The following GALNT13 variants were observed in gnomAD, a reference collection of about 807,000 sequenced individuals.
GALNT13 encodes the protein UDP-GalNAc:polypeptide N-acetylgalactosaminyltransferase 13.
In GALNT13, 28 loss-of-function variants were observed where a neutral mutation model predicts 64.2. The ratio of observed to expected loss-of-function variants is 0.44; its 90% CI spans 0.32 to 0.60. The LOEUF (loss-of-function observed/expected upper bound fraction) is 0.60, where lower values mean the gene tolerates loss of function less well. GALNT13 is among the 20% of genes least tolerant of loss of function. The pLI is 0.05. For missense variants in GALNT13, 577 were observed against 669.8 expected, an observed-to-expected ratio of 0.86 and a Z score of 1.53; for synonymous variants, 214 against 224.6, an observed-to-expected ratio of 0.95 and a Z score of 0.42.
intron 9 of GALNT13, among the ~76,000 whole-genome samples, chr2:154,378,785 C>T (rs1369193888): frequency 6.6e-6 from 1 of 151,888 alleles, no homozygotes; most frequent in Non-Finnish European, 1.5e-5. Context: ...ATTAAAACAT[C>T]AAATCGTACC....
the GALNT13 span, among the ~76,000 whole-genome samples, chr2:153,104,776 G>C: frequency 6.6e-6 from 1 of 152,132 alleles, no homozygotes; most frequent in Non-Finnish European, 1.5e-5. Flanking sequence ...TTTGCAATGA[G>C]AAGAGGCAGA....
intron 1 of GALNT13, among the ~76,000 whole-genome samples, chr2:153,879,889 GAGTGGT>G (rs2105234246): frequency 6.6e-6 from 1 of 152,260 alleles, no homozygotes; most frequent in East Asian, 1.9e-4. Flanking sequence ...GGAAAAATCA[GAGTGGT>G]TTTCCTCAAG....
chr2:154,141,768 G>A (rs1304165184), intron 4 of GALNT13, among the ~76,000 whole-genome samples: 1 of 152,200 alleles, frequency 6.6e-6, no homozygotes, highest in East Asian at 1.9e-4. Context: ...GTTTATTATG[G>A]TTTCCAGCAA....
chr2:154,288,470 A>G (rs10173365), intron 8 of GALNT13, among the ~76,000 whole-genome samples: 187 of 152,226 alleles, frequency 1.2e-3, no homozygotes, highest in African/African-American at 3.9e-3. Flanking sequence ...CATTAACTCA[A>G]AAGTCCACAG....
chr2:154,068,879 A>G (rs956218440), intron 3 of GALNT13, among the ~76,000 whole-genome samples: 1 of 152,082 alleles, frequency 6.6e-6, no homozygotes, highest in Non-Finnish European at 1.5e-5. Context: ...GTTATTTAGT[A>G]TCCAGTATTT....
chr2:154,018,812 A>C (rs904864894), intron 3 of GALNT13, among the ~76,000 whole-genome samples: 7 of 151,512 alleles, frequency 4.6e-5, no homozygotes, highest in South Asian at 2.1e-4. Context: ...GGGATGAAGG[A>C]GAGTGAGATG....
chr2:154,169,414 A>T (rs1024334139), intron 4 of GALNT13, among the ~76,000 whole-genome samples: 2 of 152,200 alleles, frequency 1.3e-5, no homozygotes, highest in African/African-American at 2.4e-5. Flanking sequence ...CAGAAGAATT[A>T]TATGAACACA....
chr2:154,291,597 G>A (rs1227360955), intron 8 of GALNT13, among the ~76,000 whole-genome samples: 11 of 152,172 alleles, frequency 7.2e-5, no homozygotes, highest in African/African-American at 1.4e-4. Context: ...CGCTGGGTGC[G>A]GGGCCCACCG....
At chr2:154,110,290 T>G (rs1702869768) in intron 3 of GALNT13, among the ~76,000 whole-genome samples, 37 of 2,270 alleles carry the variant, frequency 0.016, 1 homozygote, top group East Asian at 0.042. Context: ...TATATATATA[T>G]ATATATATAT....
chr2:154,208,306 A>T (rs927119959), intron 4 of GALNT13, among the ~76,000 whole-genome samples: 3 of 152,212 alleles, frequency 2.0e-5, no homozygotes, highest in African/African-American at 7.2e-5. Context: ...TCATTATGAG[A>T]AAAGCAGAAC....
the GALNT13 span, among the ~76,000 whole-genome samples, chr2:153,366,886 T>C: frequency 6.6e-6 from 1 of 152,040 alleles, no homozygotes; most frequent in African/African-American, 2.4e-5. Flanking sequence ...TATGGTAAAC[T>C]TCTCTTAAGA....
chr2:153,657,546 A>C, the GALNT13 span, among the ~76,000 whole-genome samples: 1 of 152,120 alleles, frequency 6.6e-6, no homozygotes, highest in Admixed American at 6.6e-5. Flanking sequence ...TGCTAAGGTA[A>C]AAGAAGCTGG....
chr2:153,490,251 T>A, the GALNT13 span, among the ~76,000 whole-genome samples: 4 of 152,244 alleles, frequency 2.6e-5, no homozygotes, highest in Non-Finnish European at 5.9e-5. Flanking sequence ...GAAAATTTTT[T>A]AAAAACTTTA....
At chr2:153,409,069 T>TTACAC in the GALNT13 span, among the ~76,000 whole-genome samples, 1 of 152,082 alleles carries the variant, frequency 6.6e-6, no homozygotes, top group Admixed American at 6.6e-5. Context: ...GCTCTTGGAC[T>TTACAC]TACACTAGTG....
chr2:154,120,369 C>T (rs1423379183), intron 3 of GALNT13, among the ~76,000 whole-genome samples: 1 of 152,152 alleles, frequency 6.6e-6, no homozygotes, highest in Non-Finnish European at 1.5e-5. Context: ...GCAGGCTGGG[C>T]TTTGAGTTAG....
chr2:153,332,416 A>T, the GALNT13 span, among the ~76,000 whole-genome samples: 1 of 151,594 alleles, frequency 6.6e-6, no homozygotes, highest in South Asian at 2.1e-4. Flanking sequence ...TTTCTAGCTA[A>T]TTTTTTTCCT....
chr2:153,204,340 G>T, the GALNT13 span, among the ~76,000 whole-genome samples: 4 of 152,162 alleles, frequency 2.6e-5, no homozygotes, highest in Admixed American at 2.6e-4. Flanking sequence ...CTAGGAAATT[G>T]GTCCTTTATT....
chr2:154,203,930 C>T (rs1321919986), intron 4 of GALNT13, among the ~76,000 whole-genome samples: 3 of 152,122 alleles, frequency 2.0e-5, no homozygotes, highest in Admixed American at 1.3e-4. Flanking sequence ...AGTGATTCTC[C>T]AATAGGTTCA....
At chr2:153,635,445 C>CATATATGTATATATATATATACAT in the GALNT13 span, among the ~76,000 whole-genome samples, 10 of 132,418 alleles carry the variant, frequency 7.6e-5, no homozygotes, top group Admixed American at 6.1e-4. Context: ...TATATACACA[C>CATATATGTATATATATATATACAT]ATATATATGT....
Sources: allele counts gnomAD v4.1 joint callset (sites outside exome capture counted in the v4.1 genomes callset), GRCh38; gene constraint gnomAD v4.1.1; transcripts MANE v1.5; gene names NCBI Gene and HGNC (gene_info 2026-07-23, HGNC 2026-07-21).